PCCB: variants seen among roughly 807,000 people sequenced by gnomAD.
The protein encoded by PCCB is propionyl-CoA carboxylase subunit beta.
A neutral mutation model predicts 60.7 loss-of-function variants in PCCB; 43 were observed. That is an observed-to-expected ratio of 0.71 (90% confidence interval 0.55 to 0.91). The LOEUF (loss-of-function observed/expected upper bound fraction) is 0.91, where lower values mean the gene tolerates loss of function less well. Ranked by LOEUF, PCCB falls within the 40% of genes least tolerant of loss-of-function variation. PCCB has a pLI of 0.00. For synonymous variants in PCCB, 276 were observed against 255.9 expected (o/e 1.08, Z -0.75); for missense variants, 766 against 702.8 (o/e 1.09, Z -1.02).
chr3:136,284,828 C>T (rs1933305791), intron 6 of PCCB, among the ~76,000 whole-genome samples: 1 of 152,122 alleles, frequency 6.6e-6, no homozygotes, highest in African/African-American at 2.4e-5. Flanking sequence ...TGTCTCACGC[C>T]TGTAATCCCA....
At chr3:136,267,700 T>C (rs186767136) in intron 5 of PCCB, among the ~76,000 whole-genome samples, 1 of 152,254 alleles carries the variant, frequency 6.6e-6, no homozygotes, top group Non-Finnish European at 1.5e-5. Flanking sequence ...TTGCCCAGGC[T>C]GTTCTCAAAC....
chr3:136,326,479 C>G, intron 10 of PCCB: 1 of 684,752 alleles, frequency 1.5e-6, no homozygotes, highest in Admixed American at 2.1e-5. Context: ...TCTGAGGACT[C>G]TCTAAGACCA....
At chr3:136,295,459 A>T (rs1933888046) in intron 7 of PCCB, among the ~76,000 whole-genome samples, 1 of 152,200 alleles carries the variant, frequency 6.6e-6, no homozygotes, top group Non-Finnish European at 1.5e-5. Context: ...ATTTAGCCCC[A>T]TCTTTAAGAC....
chr3:136,259,172 A>G, intron 3 of PCCB: 1 of 1,464,100 alleles, frequency 6.8e-7, no homozygotes, highest in South Asian at 1.4e-5. Flanking sequence ...TCTTTTTAAA[A>G]CAGCAAATAA....
At chr3:136,306,260 A>C (rs182086423) in intron 9 of PCCB, among the ~76,000 whole-genome samples, 2 of 123,080 alleles carry the variant, frequency 1.6e-5, no homozygotes, top group Non-Finnish European at 3.6e-5. Flanking sequence ...ATCTGAGTGC[A>C]GTAGCCCCTG....
At chr3:136,268,098 A>G (rs11707791) in intron 5 of PCCB, among the ~76,000 whole-genome samples, 7 of 115,500 alleles carry the variant, frequency 6.1e-5, no homozygotes, top group South Asian at 2.5e-4. Flanking sequence ...ATATATATAT[A>G]TATATATATA....
intron 9 of PCCB, among the ~76,000 whole-genome samples, chr3:136,316,481 A>G (rs943800807): frequency 6.6e-6 from 1 of 151,674 alleles, no homozygotes; most frequent in Admixed American, 6.6e-5. Context: ...CACCAGGCCA[A>G]TTTTTTGCAT....
intron 5 of PCCB, among the ~76,000 whole-genome samples, chr3:136,263,252 T>TG (rs1247439909): frequency 1.3e-3 from 58 of 46,250 alleles, no homozygotes; most frequent in African/African-American, 4.9e-3. Flanking sequence ...CGCGCCCAGC[T>TG]GGTTTTTTTT....
intron 6 of PCCB, 71 bp from the exon 7 acceptor site, chr3:136,293,685 T>C (rs2108197090): frequency 3.2e-6 from 3 of 942,074 alleles, no homozygotes. Context: ...TCATCTTGGC[T>C]GAATCAACTC....
intron 5 of PCCB, among the ~76,000 whole-genome samples, chr3:136,276,668 A>G (rs1319344928): frequency 5.9e-5 from 9 of 152,168 alleles, no homozygotes; most frequent in African/African-American, 2.2e-4. Flanking sequence ...ACCTTTGCCA[A>G]GCTCCTGTGG....
chr3:136,288,473 G>A (rs1456362231), intron 6 of PCCB, among the ~76,000 whole-genome samples: 1 of 150,758 alleles, frequency 6.6e-6, no homozygotes, highest in African/African-American at 2.4e-5. Context: ...AGCCTCCTGT[G>A]TAGCTGGGAC....
chr3:136,252,347 A>G (rs371099392), intron 1 of PCCB: 1 of 455,166 alleles, frequency 2.2e-6, no homozygotes, highest in Non-Finnish European at 4.4e-6. Context: ...CCCAGCTTCA[A>G]GCAATTCTCC....
intron 6 of PCCB, among the ~76,000 whole-genome samples, chr3:136,286,380 A>G (rs1933405751): frequency 1.3e-5 from 2 of 152,178 alleles, no homozygotes; most frequent in Non-Finnish European, 2.9e-5. Flanking sequence ...TTCCTCCAGG[A>G]TTATATTTTT....
intron 5 of PCCB, among the ~76,000 whole-genome samples, chr3:136,263,138 A>T (rs2108148526): frequency 6.6e-6 from 1 of 151,464 alleles, no homozygotes; most frequent in African/African-American, 2.4e-5. Context: ...TATTTTTAGT[A>T]GAGACGGGGT....
chr3:136,283,876 C>G lies in PCCB; in HGVS notation c.583C>G (p.Leu195Val), dbSNP rs747267484. ...ATCCGGAGTCATCCCTCAGATTTCT[C>G]TGATCATGGGCCCATGTGCTGGTGG... ...TASGVIPQIS[L>V]IMGPCAGGAV... The change falls in exon 6 of 15, where the codon CTG becomes GTG. Residue 195 changes from leucine (L) to valine (V), a missense_variant. Transcript: ENST00000251654. 5 of 1,613,812 alleles carry G rather than the reference C, an allele frequency of 3.1e-6. No individual in the cohort carries two copies. The highest frequency in any genetic ancestry group is 4.2e-6 in the Non-Finnish European group (5 of 1,179,848).
intron 5 of PCCB, among the ~76,000 whole-genome samples, chr3:136,272,930 T>C (rs1942238992): frequency 6.6e-6 from 1 of 152,198 alleles, no homozygotes; most frequent in African/African-American, 2.4e-5. Context: ...TTGTGTTCTT[T>C]CAGACTTTTT....
chr3:136,281,703 G>C (rs1942478873), intron 5 of PCCB, among the ~76,000 whole-genome samples: 1 of 152,026 alleles, frequency 6.6e-6, no homozygotes, highest in African/African-American at 2.4e-5. Flanking sequence ...GATTTTTGTT[G>C]AGGATGAGAA....
At chr3:136,300,066 ACACATATAT>A (rs1934195391) in intron 8 of PCCB, among the ~76,000 whole-genome samples, 2 of 146,586 alleles carry the variant, frequency 1.4e-5, no homozygotes, top group African/African-American at 5.5e-5. Flanking sequence ...ATGCATATCA[ACACATATAT>A]GCATATACGC....
chr3:136,275,163 T>G (rs1437264858), intron 5 of PCCB, among the ~76,000 whole-genome samples: 1 of 152,186 alleles, frequency 6.6e-6, no homozygotes, highest in African/African-American at 2.4e-5. Flanking sequence ...TTGGGTTAAT[T>G]TGAAAGCCTT....
Sources: gnomAD v4.1 joint callset for allele counts (sites outside exome capture counted in the v4.1 genomes callset) on GRCh38, gnomAD v4.1.1 for gene constraint, MANE v1.5 for transcripts, NCBI Gene and HGNC (gene_info 2026-07-23, HGNC 2026-07-21) for gene names.